Variants in AUH observed in about 807,000 individuals in gnomAD.
AUH encodes the protein AU RNA binding methylglutaconyl-CoA hydratase, also known as methylglutaconyl-CoA hydratase, mitochondrial.
In AUH, 29 loss-of-function variants were observed where a neutral mutation model predicts 42.3. The ratio of observed to expected loss-of-function variants is 0.69; its 90% CI spans 0.51 to 0.93. The LOEUF (loss-of-function observed/expected upper bound fraction) is 0.93, where lower values mean the gene tolerates loss of function less well. AUH is among the 40% of genes least tolerant of loss of function. The pLI, the probability that AUH is intolerant of heterozygous loss-of-function variation, is 0.00. For synonymous variants in AUH, 174 were observed against 166.4 expected (o/e 1.05, Z -0.35); for missense variants, 452 against 438.1 (o/e 1.03, Z -0.28).
chr9:91,218,805 A>C, intron 7 of AUH: 1 of 985,176 alleles, frequency 1.0e-6, no homozygotes, highest in Non-Finnish European at 1.2e-6. Flanking sequence ...TATCTGGAGG[A>C]CTAATCATTT....
chr9:91,360,868 TGGA>T (rs1832791961), intron 1 of AUH, among the ~76,000 whole-genome samples: 1 of 152,122 alleles, frequency 6.6e-6, no homozygotes, highest in Admixed American at 6.5e-5. Context: ...AGGTTAAGGG[TGGA>T]AACTGCTATT....
intron 4 of AUH, among the ~76,000 whole-genome samples, chr9:91,313,653 C>T (rs1828890058): frequency 2.1e-5 from 3 of 141,812 alleles, no homozygotes; most frequent in East Asian, 2.1e-4. Flanking sequence ...TGCAGTGAGC[C>T]GAGATTGCGC....
intron 6 of AUH, among the ~76,000 whole-genome samples, chr9:91,236,313 G>T (rs1049991821): frequency 2.0e-5 from 3 of 152,126 alleles, no homozygotes; most frequent in African/African-American, 7.2e-5. Flanking sequence ...AAGAAGAGAG[G>T]AGAGAGCTCA....
At position 91,295,917 on chromosome 9, in the gene AUH, C is replaced by G. The variant is rs989330410; in HGVS notation, c.655+104G>C. The G allele has an allele frequency of 5.4e-6, 7 of 1,298,012 alleles. No homozygotes were observed. In the Admixed American group the frequency reaches 1.0e-4, roughly 19 times the overall value. 80.4% of individuals were successfully genotyped at this position (1,298,012 alleles called of 1,614,324 possible). On this transcript the variant is annotated intron_variant, in intron 6 of 9. Coordinates refer to ENST00000375731, the MANE Select transcript of AUH (RefSeq NM_001698.3). ...AGGGATGCAAACAATATGCCATTGT[C>G]TCTTTACGCAAAATGTTGCCTTTCC...
At chr9:91,269,783 A>G (rs1202198174) in intron 6 of AUH, among the ~76,000 whole-genome samples, 1 of 152,226 alleles carries the variant, frequency 6.6e-6, no homozygotes, top group Admixed American at 6.5e-5. Context: ...TCCAGTCACC[A>G]ATGATGGCTT....
intron 6 of AUH, among the ~76,000 whole-genome samples, chr9:91,239,436 T>C (rs1031177486): frequency 1.3e-5 from 2 of 152,128 alleles, no homozygotes; most frequent in Non-Finnish European, 2.9e-5. Flanking sequence ...AATGCTAACT[T>C]TGGATTATAA....
rs147023740 is a variant in AUH at position 91,347,690 on chromosome 9, T to C, written c.418+8193A>G. ...TTCTCTTTCACAACATATATAAAAA[T>C]TAACTCAGAATACTTCAGAGTCCTA... is the stretch of plus-strand genomic sequence containing the variant. On this transcript the variant is annotated intron_variant, in intron 3 of 9. Transcript: ENST00000375731. 4.2e-3 allele frequency among the ~76,000 whole-genome samples: 645 copies of C among 152,262 alleles called. 6 individuals are homozygous for C. The highest frequency in any genetic ancestry group is 0.015 in the African/African-American group (611 of 41,548).
At chr9:91,265,365 G>A (rs761417100) in intron 6 of AUH, among the ~76,000 whole-genome samples, 29 of 148,008 alleles carry the variant, frequency 2.0e-4, no homozygotes, top group East Asian at 2.0e-4. Context: ...TTTCATTTCA[G>A]CAATCCTTTA....
intron 3 of AUH, among the ~76,000 whole-genome samples, chr9:91,353,227 C>T (rs1194936255): frequency 6.6e-6 from 1 of 152,030 alleles, no homozygotes; most frequent in East Asian, 1.9e-4. Context: ...GCTGGGATTA[C>T]AGGCACCTAC....
chr9:91,267,826 G>A (rs1489993973), intron 6 of AUH, among the ~76,000 whole-genome samples: 1 of 152,054 alleles, frequency 6.6e-6, no homozygotes, highest in East Asian at 1.9e-4. Context: ...TCTCTACTCT[G>A]TAAATGCATT....
chr9:91,319,935 C>G (rs1260186238), intron 4 of AUH, among the ~76,000 whole-genome samples: 1 of 152,186 alleles, frequency 6.6e-6, no homozygotes, highest in Non-Finnish European at 1.5e-5. Context: ...CAAACTTTCA[C>G]TCCTGCTCTA....
intron 6 of AUH, among the ~76,000 whole-genome samples, chr9:91,255,404 G>T (rs1274949913): frequency 2.6e-5 from 4 of 152,218 alleles, no homozygotes; most frequent in African/African-American, 7.2e-5. Flanking sequence ...GTGACATCAA[G>T]TATTTCATCT....
Position 91,229,040 on chromosome 9 carries a change from G to A in AUH, c.656-8048C>T, listed in dbSNP as rs1456696057. 2.6e-5 allele frequency among the ~76,000 whole-genome samples: 4 copies of A among 151,634 alleles called. No individual in the cohort carries two copies. The South Asian group carries it at 8.4e-4, about 32-fold the overall frequency. Reference sequence around the variant, plus strand: ...AAAAATGTATATTCTGTTGATTTGGGGTGGAGAGTTCTGTAGATGTCTATT... The same window carrying A: ...AAAAATGTATATTCTGTTGATTTGGAGTGGAGAGTTCTGTAGATGTCTATT... On this transcript the variant is annotated intron_variant, in intron 6 of 9. Coordinates refer to ENST00000375731, the MANE Select transcript of AUH (RefSeq NM_001698.3).
intron 3 of AUH, among the ~76,000 whole-genome samples, chr9:91,349,681 C>CAG (rs1028368939): frequency 3.9e-4 from 4 of 10,182 alleles, no homozygotes; most frequent in East Asian, 1.6e-3. Flanking sequence ...GAGAGACAGA[C>CAG]ACACACACAC....
At chr9:91,233,877 C>CT (rs1587656826) in intron 6 of AUH, among the ~76,000 whole-genome samples, 1 of 152,298 alleles carries the variant, frequency 6.6e-6, no homozygotes, top group East Asian at 1.9e-4. Flanking sequence ...TAAGAACCCT[C>CT]TTTTCATGGG....
At chr9:91,320,746 T>C (rs1829507592) in intron 4 of AUH, among the ~76,000 whole-genome samples, 1 of 152,228 alleles carries the variant, frequency 6.6e-6, no homozygotes, top group African/African-American at 2.4e-5. Flanking sequence ...TTTTCTGAAA[T>C]TTAACAGAGA....
At chr9:91,223,831 T>C (rs955682484) in intron 6 of AUH, among the ~76,000 whole-genome samples, 3 of 152,152 alleles carry the variant, frequency 2.0e-5, no homozygotes, top group African/African-American at 7.2e-5. Context: ...AACAAAGAAA[T>C]TGACCCTTCT....
chr9:91,233,514 T>C (rs959424169), intron 6 of AUH, among the ~76,000 whole-genome samples: 2 of 152,112 alleles, frequency 1.3e-5, no homozygotes, highest in Non-Finnish European at 2.9e-5. Flanking sequence ...CATTCTCTAA[T>C]GAAGATTTGA....
chr9:91,222,259 G>C (rs1246674068), intron 6 of AUH, among the ~76,000 whole-genome samples: 2 of 152,084 alleles, frequency 1.3e-5, no homozygotes, highest in African/African-American at 4.8e-5. Context: ...AAGACCACAA[G>C]AAGGCACATG....
Sources: allele counts gnomAD v4.1 joint callset (sites outside exome capture counted in the v4.1 genomes callset), GRCh38; gene constraint gnomAD v4.1.1; transcripts MANE v1.5; gene names NCBI Gene and HGNC (gene_info 2026-07-23, HGNC 2026-07-21).